The following HAUS6 variants were observed in gnomAD, a reference collection of about 807,000 sequenced individuals.
The protein encoded by HAUS6 is HAUS augmin like complex subunit 6.
A neutral mutation model predicts 106.8 loss-of-function variants in HAUS6; 80 were observed. That is an observed-to-expected ratio of 0.75 (90% CI 0.63 to 0.90). The LOEUF (loss-of-function observed/expected upper bound fraction) is 0.90, where lower values mean the gene tolerates loss of function less well. Ranked by LOEUF, HAUS6 falls within the 40% of genes least tolerant of loss-of-function variation. HAUS6 has a pLI of 0.00. For missense variants in HAUS6, 1,155 were observed against 1,118.1 expected (o/e 1.03, Z -0.47); for synonymous variants, 356 against 379.1 (o/e 0.94, Z 0.71).
rs1170119083 is a variant in HAUS6, at chr9:19,063,597, C to T, written c.1377-17G>A. On this transcript the variant is annotated splice_polypyrimidine_tract_variant and intron_variant, in intron 12 of 16. Transcript: ENST00000380502. The stretch of plus-strand genomic sequence containing the variant: ...GAGGCAGGGCTAAAAGGAAAAAAGA[C>T]AACAAATCCAAGTTATAAGGAGAAA... 1.3e-6 allele frequency: 2 copies of T among 1,554,614 alleles called. No individual in the cohort carries two copies. The highest frequency in any genetic ancestry group is 1.1e-5 in the South Asian group (1 of 89,906).
At chr9:19,073,677 A>C (rs1836926818) in intron 11 of HAUS6, among the ~76,000 whole-genome samples, 2 of 151,948 alleles carry the variant, frequency 1.3e-5, no homozygotes, top group South Asian at 2.1e-4. Flanking sequence ...ATTCAAAAAT[A>C]AAAAATAAAA....
chr9:19,086,666 A>G, intron 7 of HAUS6, 68 bp downstream of exon 7: 1 of 717,278 alleles, frequency 1.4e-6, no homozygotes. Context: ...GAGTCCCACT[A>G]ATTAAGCAAA....
chr9:19,088,369 T>C (rs957688686), intron 5 of HAUS6, among the ~76,000 whole-genome samples: 43 of 151,160 alleles, frequency 2.8e-4, no homozygotes, highest in African/African-American at 1.0e-3. Context: ...TGAGCCGAGA[T>C]TGTGACACTG....
chr9:19,102,411 G>T, intron 1 of HAUS6, 113 bp downstream of exon 1: 1 of 1,178,406 alleles, frequency 8.5e-7, no homozygotes, highest in Non-Finnish European at 1.2e-6. Flanking sequence ...GCCTGGCACA[G>T]AGTAACTGCT....
At chr9:19,066,363 T>C (rs1836760230) in intron 12 of HAUS6, among the ~76,000 whole-genome samples, 1 of 152,140 alleles carries the variant, frequency 6.6e-6, no homozygotes. Flanking sequence ...TTGCTGTTGT[T>C]ATACCAATAA....
chr9:19,059,645 G>GC (rs1406981605), intron 15 of HAUS6, among the ~76,000 whole-genome samples: 1 of 152,128 alleles, frequency 6.6e-6, no homozygotes, highest in Non-Finnish European at 1.5e-5. Context: ...CAGGTTATAG[G>GC]AAAAAAGGTA....
chr9:19,099,318 C>G (rs1289785991), intron 1 of HAUS6, among the ~76,000 whole-genome samples: 1 of 151,944 alleles, frequency 6.6e-6, no homozygotes, highest in Non-Finnish European at 1.5e-5. Flanking sequence ...AGGCGCCCGC[C>G]AACACGCCCG....
At position 19,102,529 on chromosome 9, in the gene HAUS6, G is replaced by C. The variant is rs1193457908; in HGVS notation, c.123C>G (p.Leu41=). Residue 41 remains leucine, a synonymous_variant, in exon 1 of 17, where the codon CTC becomes CTG. Transcript: ENST00000380502. Reference sequence around the variant, plus strand: ...GCCGGCCCCGGCCTCCTTACACTCCGAGGTGCGTGTGCGACACGATCTTTC... The same window carrying C: ...GCCGGCCCCGGCCTCCTTACACTCCCAGGTGCGTGTGCGACACGATCTTTC... ...ACGKIVSHTH[L]GVNMFDKLNR... is the part of the protein sequence containing the mutation. The C allele has an allele frequency of 1.2e-6, 2 of 1,613,550 alleles. No homozygotes were observed. Among genetic ancestry groups the C allele is most frequent in the Non-Finnish European group, 1.7e-6 (2 of 1,179,784 alleles).
chr9:19,070,388 A>T, intron 11 of HAUS6, 88 bp from the exon 12 acceptor site: 2 of 729,916 alleles, frequency 2.7e-6, no homozygotes, highest in South Asian at 3.4e-5. Flanking sequence ...AACAACTTGT[A>T]AACAGAAGAA....
rs1193673328 is a variant in HAUS6 at position 19,063,068 on chromosome 9, C to A, written c.1569G>T (p.Gly523=). ...GATCACTTTTTTTAGCTGGCAAAGA[C>A]CCTCCAAATGCACTACTCTCTGTAT... The part of the protein sequence containing the change: ...AKNTESSAFG[G]SLPAKKSDPF... Residue 523 remains glycine, a synonymous_variant, in exon 14 of 17, where the codon GGG becomes GGT. Transcript: ENST00000380502. 6.2e-7 allele frequency: 1 copy of A among 1,611,206 alleles called. No individual in the cohort carries two copies. The highest frequency in any genetic ancestry group is 8.5e-7 in the Non-Finnish European group (1 of 1,179,018).
chr9:19,080,457 A>G (rs754559722), intron 9 of HAUS6, 22 bp downstream of exon 9: 7 of 1,525,428 alleles, frequency 4.6e-6, no homozygotes, highest in South Asian at 4.5e-5. Context: ...CCACAGTAAA[A>G]TAACAGATCT....
At chr9:19,075,937 C>G (rs1034863288) in intron 11 of HAUS6, among the ~76,000 whole-genome samples, 1 of 146,222 alleles carries the variant, frequency 6.8e-6, no homozygotes, top group Non-Finnish European at 1.5e-5. Flanking sequence ...CCAGCCTGGG[C>G]AACAGAGCAA....
chr9:19,071,723 G>C (rs1173282293), intron 11 of HAUS6, among the ~76,000 whole-genome samples: 2 of 151,846 alleles, frequency 1.3e-5, no homozygotes, highest in East Asian at 1.9e-4. Flanking sequence ...ACAGGTGCAT[G>C]ACACCATGCC....
At chr9:19,074,631 G>C (rs192549932) in intron 11 of HAUS6, among the ~76,000 whole-genome samples, 2 of 152,042 alleles carry the variant, frequency 1.3e-5, no homozygotes, top group African/African-American at 4.8e-5. Context: ...CTTGCTCTCT[G>C]GTCTATAATC....
Position 19,058,947 on chromosome 9 carries a change from G to C in HAUS6, c.1820C>G (p.Thr607Ser), listed in dbSNP as rs1297904229. The change falls in exon 16 of 17, where the codon ACT becomes AGT. Residue 607 changes from threonine (T) to serine (S), a missense_variant. Around this residue, in one of 3 missense-constraint regions of HAUS6, gnomAD observed 14 missense variants for 33.2 expected, o/e 0.42. Transcript: ENST00000380502. ...AGCATCCATTTGAATTGGTTCTTTA[G>C]TTCTGTTTTCTTCCATTTCAATAGC... Reference protein sequence around the residue: ...RKAIEMEENRTKEPIQMDAEH... With the variant: ...RKAIEMEENRSKEPIQMDAEH... 7 of 1,604,432 alleles carry C rather than the reference G, an allele frequency of 4.4e-6. No homozygotes were observed. Among genetic ancestry groups the C allele is most frequent in the Non-Finnish European group, 6.0e-6 (7 of 1,171,702 alleles).
intron 12 of HAUS6, among the ~76,000 whole-genome samples, chr9:19,067,366 C>T (rs1465549709): frequency 6.6e-6 from 1 of 152,106 alleles, no homozygotes; most frequent in Non-Finnish European, 1.5e-5. Flanking sequence ...CTTCCACGTC[C>T]CAGAAACTTA....
At chr9:19,095,868 G>C (rs1405836022) in intron 2 of HAUS6, among the ~76,000 whole-genome samples, 1 of 152,080 alleles carries the variant, frequency 6.6e-6, no homozygotes, top group Non-Finnish European at 1.5e-5. Flanking sequence ...TAACAGTAGA[G>C]TAAATGTAAT....
At chr9:19,093,117 G>C (rs968596091) in intron 4 of HAUS6, 54 bp downstream of exon 4, 7 of 1,238,066 alleles carry the variant, frequency 5.7e-6, no homozygotes, top group Admixed American at 4.9e-5. Context: ...AAATTGTAAA[G>C]AACAATAAAA....
rs992510729 is a variant in HAUS6 at position 19,058,260 on chromosome 9, C to G, written c.2507G>C (p.Arg836Thr). The change falls in exon 16 of 17, where the codon AGA (arginine) becomes ACA (threonine). Residue 836 changes from arginine (R) to threonine (T), a missense_variant. Arg to Thr is a moderately conservative substitution (Grantham distance 71, BLOSUM62 -1). Transcript: ENST00000380502. ...AAGAGATTTCTTCAGAGCCTCGTAT[C>G]TACTGCGAAGAGCCTGTAAATTAAA... Reference protein sequence around the residue: ...SDFNLQALRSRYEALKKSLSK... With the variant: ...SDFNLQALRSTYEALKKSLSK... 3 of 1,613,744 alleles carry G rather than the reference C, an allele frequency of 1.9e-6. No individual in the cohort carries two copies. Among genetic ancestry groups the G allele is most frequent in the Non-Finnish European group, 2.5e-6 (3 of 1,179,832 alleles).
Sources: allele counts gnomAD v4.1 joint callset (sites outside exome capture counted in the v4.1 genomes callset), GRCh38; gene constraint gnomAD v4.1.1; regional missense constraint gnomAD v4.1.1; transcripts MANE v1.5; gene names NCBI Gene and HGNC (gene_info 2026-07-23, HGNC 2026-07-21).